The following IL36B variants were observed in gnomAD, a reference collection of about 807,000 sequenced individuals.
IL36B encodes interleukin-36 beta.
A neutral mutation model predicts 19.3 loss-of-function variants in IL36B; 23 were observed. The observed-to-expected ratio is 1.19, with a 90% CI of 0.86 to 1.69. The LOEUF (loss-of-function observed/expected upper bound fraction) is 1.69. IL36B is among the 40% of genes most tolerant of loss of function. The pLI is 0.00. For missense variants in IL36B, 217 were observed against 200.5 expected (o/e 1.08, Z -0.50); for synonymous variants, 59 against 59.7 (o/e 0.99, Z 0.05).
chr2:113,029,954 C>T (rs767656079), intron 3 of IL36B, among the ~76,000 whole-genome samples: 4 of 152,130 alleles, frequency 2.6e-5, no homozygotes, highest in Non-Finnish European at 4.4e-5. Context: ...GAAGATGGGC[C>T]AGGTGCGGTG....
At position 113,031,747 on chromosome 2, in the gene IL36B, A is replaced by T. The variant is rs1353671727; in HGVS notation, c.-38T>A. Reference sequence around the variant, plus strand: ...GCCTTTTGTGAAGAGAACAAGATAGATCAGATGGTGGTGAGGAGGCTGTTA... The same window carrying T: ...GCCTTTTGTGAAGAGAACAAGATAGTTCAGATGGTGGTGAGGAGGCTGTTA... On this transcript the variant is annotated 5_prime_UTR_variant, in exon 2 of 6. Coordinates refer to ENST00000259213, the MANE Select transcript of IL36B (RefSeq NM_014438.5). 6.4e-7 allele frequency: 1 copy of T among 1,564,854 alleles called. No individual in the cohort carries two copies. The highest frequency in any genetic ancestry group is 2.2e-5 in the East Asian group (1 of 44,548).
intron 1 of IL36B, among the ~76,000 whole-genome samples, chr2:113,051,691 C>T (rs947328938): frequency 1.3e-5 from 2 of 152,218 alleles, no homozygotes; most frequent in Non-Finnish European, 2.9e-5. Context: ...CCCTTCCCCT[C>T]TGATGTGGCT....
intron 5 of IL36B, among the ~76,000 whole-genome samples, chr2:113,023,554 T>C (rs939212028): frequency 6.6e-6 from 1 of 152,212 alleles, no homozygotes; most frequent in Non-Finnish European, 1.5e-5. Context: ...TGGTTGCTAT[T>C]AGATATTGGG....
At chr2:113,034,179 T>C (rs963171781) in intron 1 of IL36B, among the ~76,000 whole-genome samples, 5 of 152,156 alleles carry the variant, frequency 3.3e-5, no homozygotes, top group Non-Finnish European at 4.4e-5. Context: ...CTGCCTTCTA[T>C]CCCTGCCCAT....
chr2:113,042,651 G>T (rs1685280092), intron 1 of IL36B, among the ~76,000 whole-genome samples: 1 of 152,204 alleles, frequency 6.6e-6, no homozygotes, highest in Non-Finnish European at 1.5e-5. Flanking sequence ...CATTCAAGTT[G>T]TTCCAATAGT....
At chr2:113,039,282 TC>T (rs1387394897) in intron 1 of IL36B, among the ~76,000 whole-genome samples, 1 of 152,048 alleles carries the variant, frequency 6.6e-6, no homozygotes, top group Admixed American at 6.6e-5. Flanking sequence ...CCCCAGGGTG[TC>T]CCAGTCACAA....
intron 1 of IL36B, among the ~76,000 whole-genome samples, chr2:113,050,964 G>A (rs1439110806): frequency 1.3e-5 from 2 of 151,644 alleles, no homozygotes; most frequent in African/African-American, 2.4e-5. Context: ...GTGGCCTCCC[G>A]ATCCTTGAAT....
chr2:113,048,524 T>C (rs1040106951), intron 1 of IL36B, among the ~76,000 whole-genome samples: 1 of 152,098 alleles, frequency 6.6e-6, no homozygotes, highest in Non-Finnish European at 1.5e-5. Flanking sequence ...ATAGCATAAA[T>C]GTTTAGAAAA....
chr2:113,023,829 C>CTA (rs1286889978), intron 5 of IL36B, among the ~76,000 whole-genome samples: 5 of 152,132 alleles, frequency 3.3e-5, no homozygotes, highest in African/African-American at 1.2e-4. Flanking sequence ...ATTTATCTCC[C>CTA]CTCCTTTCTT....
At chr2:113,032,741 C>A (rs1236438106) in intron 1 of IL36B, among the ~76,000 whole-genome samples, 1 of 152,184 alleles carries the variant, frequency 6.6e-6, no homozygotes, top group Non-Finnish European at 1.5e-5. Flanking sequence ...AAAAGCTGGT[C>A]CAGGACTCCC....
chr2:113,048,732 G>T (rs1685390607), intron 1 of IL36B, among the ~76,000 whole-genome samples: 1 of 151,560 alleles, frequency 6.6e-6, no homozygotes, highest in African/African-American at 2.4e-5. Context: ...AATGAGAGGA[G>T]ACTAATTACC....
At chr2:113,028,084 T>C in intron 4 of IL36B, 1 of 1,614,144 alleles carries the variant, frequency 6.2e-7, no homozygotes. Flanking sequence ...CTGTGCTTTC[T>C]TCTCCACATA....
At chr2:113,029,144 C>G (rs1454274557) in intron 3 of IL36B, 66 bp from the exon 4 acceptor site, 12 of 1,515,188 alleles carry the variant, frequency 7.9e-6, no homozygotes, top group Non-Finnish European at 9.0e-6. Context: ...AGTTACTCCC[C>G]CCAGGTAGGG....
intron 1 of IL36B, among the ~76,000 whole-genome samples, chr2:113,036,664 C>T (rs1280134958): frequency 2.0e-5 from 3 of 152,170 alleles, no homozygotes; most frequent in African/African-American, 7.2e-5. Context: ...AGCTTAATTC[C>T]TGGATAGGCC....
intron 1 of IL36B, among the ~76,000 whole-genome samples, chr2:113,041,687 C>A (rs1685260287): frequency 6.6e-6 from 1 of 152,188 alleles, no homozygotes. Flanking sequence ...ATCTGATCAA[C>A]AACTGATATT....
chr2:113,034,341 G>T (rs1047339922), intron 1 of IL36B, among the ~76,000 whole-genome samples: 2 of 152,110 alleles, frequency 1.3e-5, no homozygotes, highest in African/African-American at 4.8e-5. Flanking sequence ...CCATGCATAT[G>T]CAAAAAAGCC....
intron 1 of IL36B, 99 bp from the exon 2 acceptor site, chr2:113,031,865 A>G: frequency 3.1e-6 from 2 of 636,810 alleles, no homozygotes; most frequent in Non-Finnish European, 5.6e-6. Flanking sequence ...CTTTAGAGAG[A>G]GCTGCCCTGA....
chr2:113,026,191 C>T lies in IL36B; in HGVS notation c.303G>A (p.Trp101Ter). Residue 101 changes from tryptophan to a stop codon, truncating the protein, a stop_gained, in exon 5 of 6, where the codon TGG becomes TGA. Transcript: ENST00000259213. LOFTEE classifies it high-confidence loss of function. Reference sequence around the variant, plus strand: ...TGCATGTGTGAATTCCAACTAGTTTCCAGCAAGTGTCCTTCCCTATGTTAT... The same window carrying T: ...TGCATGTGTGAATTCCAACTAGTTTTCAGCAAGTGTCCTTCCCTATGTTAT... 6.2e-7 allele frequency: 1 copy of T among 1,613,892 alleles called. No homozygotes were observed. Among genetic ancestry groups the T allele is most frequent in the Non-Finnish European group, 8.5e-7 (1 of 1,179,842 alleles).
rs2105039827 is a variant in IL36B at position 113,026,246 on chromosome 2, A to G, written c.262-14T>C. 6.2e-7 allele frequency: 1 copy of G among 1,613,276 alleles called. No homozygotes were observed. The highest frequency in any genetic ancestry group is 2.2e-5 in the East Asian group (1 of 44,872). On this transcript the variant is annotated splice_polypyrimidine_tract_variant and intron_variant, in intron 4 of 5. Transcript: ENST00000259213. ...GGAGCCCTGAAGCTGGAAGAGAGAA[A>G]TGTTCAATGTTGCTGAGATAATACA...
Sources: gnomAD v4.1 joint callset for allele counts (sites outside exome capture counted in the v4.1 genomes callset) on GRCh38, gnomAD v4.1.1 for gene constraint, MANE v1.5 for transcripts, NCBI Gene and HGNC (gene_info 2026-07-23, HGNC 2026-07-21) for gene names.